Variants in FGGY observed in about 807,000 individuals in gnomAD.
FGGY encodes the protein FGGY carbohydrate kinase domain-containing protein.
In FGGY, 72 loss-of-function variants were observed where a neutral mutation model predicts 71.3. That is an observed-to-expected ratio of 1.01 (90% CI 0.84 to 1.23). The LOEUF (loss-of-function observed/expected upper bound fraction) is 1.23. FGGY is among the 50% of genes most tolerant of loss of function. FGGY has a pLI of 0.00. For synonymous variants in FGGY, 251 were observed against 250.3 expected, an observed-to-expected ratio of 1.00 and a Z score of -0.02; for missense variants, 668 against 682.3, an observed-to-expected ratio of 0.98 and a Z score of 0.23.
intron 5 of FGGY, among the ~76,000 whole-genome samples, chr1:59,419,541 A>G (rs1434874473): frequency 5.3e-5 from 8 of 152,182 alleles, no homozygotes. Context: ...CCAAGTATTC[A>G]TCTGAGAACA....
chr1:59,624,015 A>G (rs1184107145), intron 9 of FGGY, among the ~76,000 whole-genome samples: 1 of 152,166 alleles, frequency 6.6e-6, no homozygotes, highest in Non-Finnish European at 1.5e-5. Flanking sequence ...GTTTATCTTG[A>G]TGCTCTCAGT....
intron 6 of FGGY, among the ~76,000 whole-genome samples, chr1:59,485,535 A>C (rs991688651): frequency 2.0e-5 from 3 of 152,152 alleles, no homozygotes; most frequent in African/African-American, 7.2e-5. Flanking sequence ...CCTTGGATTC[A>C]CTACCTCTGG....
chr1:59,627,454 T>TTATAGATATA (rs2096867525), intron 10 of FGGY, among the ~76,000 whole-genome samples: 1 of 97,334 alleles, frequency 1.0e-5, no homozygotes, highest in Non-Finnish European at 2.0e-5. Flanking sequence ...ACTTATGATT[T>TTATAGATATA]TATATATATA....
At chr1:59,523,392 C>G (rs528876014) in intron 7 of FGGY, among the ~76,000 whole-genome samples, 1 of 152,216 alleles carries the variant, frequency 6.6e-6, no homozygotes, top group African/African-American at 2.4e-5. Context: ...TGCCCCAAGG[C>G]GGCAGCCTCA....
chr1:59,463,192 G>T (rs1156596041), intron 6 of FGGY, among the ~76,000 whole-genome samples: 1 of 152,196 alleles, frequency 6.6e-6, no homozygotes, highest in African/African-American at 2.4e-5. Flanking sequence ...TAGGGACATG[G>T]ATGAAATTGG....
chr1:59,346,711 T>C (rs1212226130), intron 4 of FGGY, among the ~76,000 whole-genome samples: 1 of 152,142 alleles, frequency 6.6e-6, no homozygotes, highest in Non-Finnish European at 1.5e-5. Context: ...CGAATGTTCA[T>C]AGAGATAAAA....
intron 6 of FGGY, among the ~76,000 whole-genome samples, chr1:59,490,801 T>C (rs1473966746): frequency 1.3e-5 from 2 of 152,224 alleles, no homozygotes; most frequent in East Asian, 3.9e-4. Flanking sequence ...CAGTGAATGC[T>C]GTTGGTGCTT....
intron 5 of FGGY, among the ~76,000 whole-genome samples, chr1:59,441,912 A>G (rs2069993861): frequency 1.3e-5 from 2 of 152,156 alleles, no homozygotes; most frequent in African/African-American, 4.8e-5. Flanking sequence ...ACTGCCTGAA[A>G]TGTATCCTCT....
intron 5 of FGGY, among the ~76,000 whole-genome samples, chr1:59,413,042 G>T (rs2063833073): frequency 6.6e-6 from 1 of 152,186 alleles, no homozygotes. Context: ...CAACTCCCAT[G>T]CATTTGCACA....
chr1:59,558,858 C>T (rs560439575), intron 8 of FGGY, among the ~76,000 whole-genome samples: 12 of 152,188 alleles, frequency 7.9e-5, no homozygotes, highest in Non-Finnish European at 1.5e-4. Context: ...CATTCCTTCC[C>T]CAGGGTATTA....
At chr1:59,705,424 G>A (rs937867623) in intron 14 of FGGY, among the ~76,000 whole-genome samples, 8 of 152,150 alleles carry the variant, frequency 5.3e-5, no homozygotes, top group African/African-American at 1.2e-4. Context: ...TTTTATGTGC[G>A]CAGTAAGGAC....
Position 59,762,538 on chromosome 1 carries a change from T to C in FGGY, c.1610T>C (p.Leu537Pro). The change falls in exon 16 of 16, where the codon CTG becomes CCG. Residue 537 changes from leucine to proline, a missense_variant. Transcript: ENST00000303721. ...AAGAAATACCAAGTATTCCTGAAGC[T>C]GGTTGAACACCAGAAGGAGTATTTG... ...YDKKYQVFLK[L>P]VEHQKEYLAI... 6.2e-7 allele frequency: 1 copy of C among 1,613,976 alleles called. No individual in the cohort carries two copies.
chr1:59,494,154 C>T (rs2093963612), intron 6 of FGGY, among the ~76,000 whole-genome samples: 1 of 152,124 alleles, frequency 6.6e-6, no homozygotes, highest in South Asian at 2.1e-4. Flanking sequence ...GTAAGCAAGA[C>T]AGTAAGGTTA....
chr1:59,597,950 T>G (rs1246719079), intron 8 of FGGY, among the ~76,000 whole-genome samples: 1 of 152,234 alleles, frequency 6.6e-6, no homozygotes, highest in Non-Finnish European at 1.5e-5. Flanking sequence ...AGGATCCACC[T>G]CACTACGTGA....
In FGGY at chr1:59,584,671, G is replaced by A. The variant is rs2096253291; in HGVS notation, c.904-23132G>A. On this transcript the variant is annotated intron_variant, in intron 8 of 15. Transcript: ENST00000303721. ...CGTAGTGTTGGAAGTTCTGGCCAGG[G>A]CAATCAGGCAGGAGAAGGAAATAAA... Among the ~76,000 whole-genome samples, 2 of 149,848 alleles carry A rather than the reference G, an allele frequency of 1.3e-5. 1 individual carries two copies. The highest frequency in any genetic ancestry group is 5.1e-5 in the African/African-American group (2 of 39,552).
chr1:59,543,398 TC>T (rs2095474918), intron 7 of FGGY, among the ~76,000 whole-genome samples: 2 of 142,260 alleles, frequency 1.4e-5, no homozygotes, highest in South Asian at 4.8e-4. Context: ...AATCTATTTG[TC>T]TTTTTTGGTC....
intron 8 of FGGY, among the ~76,000 whole-genome samples, chr1:59,584,019 T>A (rs61788863): frequency 0.13 from 18,914 of 148,836 alleles, 2,123 homozygotes; most frequent in South Asian, 0.31. Flanking sequence ...GAGGCAATAA[T>A]GAATAGCTTA....
chr1:59,710,482 A>G (rs539447412), intron 14 of FGGY, among the ~76,000 whole-genome samples: 1 of 152,368 alleles, frequency 6.6e-6, no homozygotes, highest in African/African-American at 2.4e-5. Flanking sequence ...CTGCACAGCA[A>G]AAGAAACTAT....
At position 59,299,927 on chromosome 1, in the gene FGGY, C is replaced by G. The variant is rs72480635; in HGVS notation, c.-15+2777C>G. Among the ~76,000 whole-genome samples, 40 of 152,030 alleles carry G rather than the reference C, an allele frequency of 2.6e-4. No individual in the cohort carries two copies. In the East Asian group the frequency reaches 5.8e-3, roughly 22 times the overall value. ...AATGAGTCAGTGAGTCTGGGTGGAG[C>G]AGGTGATCGAAAAAGCTTGCTTTAT... On this transcript the variant is annotated intron_variant, in intron 1 of 15. Transcript: ENST00000303721.
Sources: gnomAD v4.1 joint callset for allele counts (sites outside exome capture counted in the v4.1 genomes callset) on GRCh38, gnomAD v4.1.1 for gene constraint, MANE v1.5 for transcripts, NCBI Gene and HGNC (gene_info 2026-07-23, HGNC 2026-07-21) for gene names.